Variants in TXN2 observed in about 807,000 individuals in gnomAD.
TXN2 encodes the protein thioredoxin, mitochondrial.
A neutral mutation model predicts 14.6 loss-of-function variants in TXN2; 12 were observed. The ratio of observed to expected loss-of-function variants is 0.82; its 90% CI spans 0.53 to 1.33. TXN2 has a LOEUF of 1.33. Among genes scored for constraint, TXN2 ranks in the 40% most tolerant of loss-of-function variants. The probability of loss-of-function intolerance (pLI) is 0.00; values close to 1 mark genes in which losing one functional copy is unlikely to be tolerated. For synonymous variants in TXN2, 89 were observed against 81.0 expected (o/e 1.10, Z -0.53); for missense variants, 173 against 207.7 (o/e 0.83, Z 1.03).
intron 3 of TXN2, among the ~76,000 whole-genome samples, chr22:36,475,569 CTA>C (rs1933369621): frequency 6.6e-6 from 1 of 152,202 alleles, no homozygotes; most frequent in Non-Finnish European, 1.5e-5. Context: ...TGTATAGTGT[CTA>C]TGGCTGCTTT....
chr22:36,467,950 T>C (rs1432812418), intron 3 of TXN2, 33 bp from the exon 4 acceptor site: 3 of 1,582,262 alleles, frequency 1.9e-6, no homozygotes, highest in African/African-American at 2.7e-5. Context: ...TCCAAGTGAA[T>C]TGGGAGTGAA....
In TXN2 at chr22:36,480,812, C is replaced by T; in HGVS notation, c.26G>A (p.Arg9Lys). 6.3e-7 allele frequency: 1 copy of T among 1,599,446 alleles called. No individual in the cohort carries two copies. Among genetic ancestry groups the T allele is most frequent in the Non-Finnish European group, 8.5e-7 (1 of 1,171,780 alleles). MAQRLLLR[R>K]FLASVISRKP... ...CCTGGAGATGACAGAGGCCAGGAAC[C>T]TCCTCAGAAGAAGTCGCTGAGCCAT... Residue 9 changes from arginine to lysine, a missense_variant, in exon 2 of 4, where the codon AGG becomes AAG. Physicochemically the swap from Arg to Lys is conservative, Grantham distance 26. Transcript: ENST00000216185.
intron 1 of TXN2, 67 bp from the exon 2 acceptor site, chr22:36,480,904 G>A: frequency 4.0e-6 from 6 of 1,498,266 alleles, no homozygotes; most frequent in African/African-American, 1.4e-5. Flanking sequence ...AAAAAGATTT[G>A]GGGAGTACTC....
At chr22:36,472,588 C>T (rs8140110) in intron 3 of TXN2, among the ~76,000 whole-genome samples, 19,489 of 151,776 alleles carry the variant, frequency 0.13, 1,485 homozygotes, top group African/African-American at 0.21. Context: ...AATTTTGCCA[C>T]GAACCTAAAA....
intron 3 of TXN2, among the ~76,000 whole-genome samples, chr22:36,473,070 G>A (rs774984058): frequency 1.1e-4 from 17 of 152,170 alleles, no homozygotes; most frequent in Non-Finnish European, 1.9e-4. Context: ...ACTCTGGGAG[G>A]CCGAGGTGGG....
At chr22:36,479,712 T>G (rs1568979517) in intron 2 of TXN2, among the ~76,000 whole-genome samples, 1 of 152,134 alleles carries the variant, frequency 6.6e-6, no homozygotes, top group African/African-American at 2.4e-5. Context: ...CCAGCTTTTG[T>G]GTAGTTGGGT....
At chr22:36,475,869 TTCC>T (rs1172086100) in intron 3 of TXN2, among the ~76,000 whole-genome samples, 3 of 152,298 alleles carry the variant, frequency 2.0e-5, no homozygotes, top group Admixed American at 6.5e-5. Flanking sequence ...TCCTCAGCCC[TTCC>T]TCCTCCTCTG....
Position 36,481,558 on chromosome 22 carries a change from T to G in TXN2, c.-1+6A>C. On this transcript the variant is annotated splice_donor_region_variant and intron_variant, in intron 1 of 3. Transcript: ENST00000216185. The stretch of plus-strand genomic sequence containing the variant: ...CCACCTCGAGCCACCCCCACAGGGC[T>G]CCTACCTCCCTGCAATGCGAGCGGA... 3.0e-6 allele frequency: 3 copies of G among 999,538 alleles called. No homozygotes were observed. Among genetic ancestry groups the G allele is most frequent in the Non-Finnish European group, 3.6e-6 (3 of 829,606 alleles). The allele number at this position is 999,538 out of a possible 1,614,324, so 61.9% of individuals were successfully genotyped here. A position where few individuals can be genotyped will look rare whatever the true frequency, so the allele number is the denominator to read the frequency against.
Position 36,467,722 on chromosome 22 carries a change from G to T in TXN2, c.*82C>A. The T allele has an allele frequency of 8.3e-7, 1 of 1,204,210 alleles. No homozygotes were observed. The highest frequency in any genetic ancestry group is 1.2e-6 in the Non-Finnish European group (1 of 814,102). 74.6% of individuals were successfully genotyped at this position (1,204,210 alleles called of 1,614,324 possible). The stretch of plus-strand genomic sequence containing the variant: ...GCCCCAGGAGCCAGACAGGAGGGAG[G>T]CAGCAGGAAGGGCTGGCATGGAAGG... On this transcript the variant is annotated 3_prime_UTR_variant, in exon 4 of 4. Coordinates refer to ENST00000216185, the MANE Select transcript of TXN2 (RefSeq NM_012473.4).
At chr22:36,469,636 G>A (rs956470986) in intron 3 of TXN2, among the ~76,000 whole-genome samples, 4 of 152,276 alleles carry the variant, frequency 2.6e-5, no homozygotes, top group East Asian at 3.9e-4. Context: ...CCTGGCATTC[G>A]TGGGCATTTG....
intron 2 of TXN2, among the ~76,000 whole-genome samples, chr22:36,477,306 T>C (rs1224134760): frequency 6.6e-6 from 1 of 152,160 alleles, no homozygotes; most frequent in African/African-American, 2.4e-5. Context: ...CTCCCTGGTT[T>C]ACGCCATTCT....
At chr22:36,473,750 T>G (rs1603488434) in intron 3 of TXN2, among the ~76,000 whole-genome samples, 1 of 151,864 alleles carries the variant, frequency 6.6e-6, no homozygotes, top group South Asian at 2.1e-4. Context: ...GAGCGGTGGG[T>G]GTGGGGGGAG....
At chr22:36,470,406 C>G (rs1933249122) in intron 3 of TXN2, among the ~76,000 whole-genome samples, 1 of 152,190 alleles carries the variant, frequency 6.6e-6, no homozygotes, top group Non-Finnish European at 1.5e-5. Flanking sequence ...CAGGGCCTTC[C>G]CAGGCATTCT....
At chr22:36,471,830 C>T (rs1046732424) in intron 3 of TXN2, among the ~76,000 whole-genome samples, 2 of 152,078 alleles carry the variant, frequency 1.3e-5, no homozygotes, top group Non-Finnish European at 2.9e-5. Flanking sequence ...TTAGGCCGGG[C>T]GTGGTGGCTC....
At chr22:36,473,859 T>G (rs1933333284) in intron 3 of TXN2, among the ~76,000 whole-genome samples, 1 of 152,198 alleles carries the variant, frequency 6.6e-6, no homozygotes, top group African/African-American at 2.4e-5. Flanking sequence ...GGGACGGTCC[T>G]CGGCATTCCC....
At chr22:36,476,681 C>A in intron 3 of TXN2, 52 bp downstream of exon 3, 1 of 1,610,816 alleles carries the variant, frequency 6.2e-7, no homozygotes. Context: ...TATCCCTGGG[C>A]CTGACACCTC....
chr22:36,471,481 G>A (rs962969350), intron 3 of TXN2, among the ~76,000 whole-genome samples: 5 of 152,206 alleles, frequency 3.3e-5, no homozygotes, highest in Admixed American at 2.0e-4. Flanking sequence ...GCTGGGTGCT[G>A]CGGGATGTTG....
At chr22:36,475,445 T>A (rs78485916) in intron 3 of TXN2, among the ~76,000 whole-genome samples, 2 of 152,232 alleles carry the variant, frequency 1.3e-5, no homozygotes, top group Non-Finnish European at 2.9e-5. Flanking sequence ...TTTTTCTCCA[T>A]TGAACTTATT....
chr22:36,481,003 C>CA (rs978900605), intron 1 of TXN2, 166 bp from the exon 2 acceptor site: 14 of 733,422 alleles, frequency 1.9e-5, no homozygotes, highest in Non-Finnish European at 2.6e-5. Flanking sequence ...CAATGAGAAT[C>CA]AAAGGGAAGG....
Sources: allele counts gnomAD v4.1 joint callset (sites outside exome capture counted in the v4.1 genomes callset), GRCh38; gene constraint gnomAD v4.1.1; transcripts MANE v1.5; gene names NCBI Gene and HGNC (gene_info 2026-07-23, HGNC 2026-07-21).